The following PIEZO2 variants were observed in gnomAD, a reference collection of about 807,000 sequenced individuals.
PIEZO2 encodes piezo-type mechanosensitive ion channel component 2.
A neutral mutation model predicts 337.3 loss-of-function variants in PIEZO2; 172 were observed. The ratio of observed to expected loss-of-function variants is 0.51; its 90% CI spans 0.45 to 0.58. The LOEUF is 0.58. Ranked by LOEUF, PIEZO2 falls within the 20% of genes least tolerant of loss-of-function variation. The pLI, the probability that PIEZO2 is intolerant of heterozygous loss-of-function variation, is 0.00. For missense variants in PIEZO2, 3,028 were observed against 3,391.3 expected, an observed-to-expected ratio of 0.89 and a Z score of 2.66; for synonymous variants, 1,251 against 1,228.5, an observed-to-expected ratio of 1.02 and a Z score of -0.38.
chr18:10,707,370 G>A lies in PIEZO2; in HGVS notation c.5588+905C>T, dbSNP rs114776871. ...GCATGGCAGGCACATGCCCGCCAGA[G>A]GACTTTGTCAAATGGCCAAGGCATT... On this transcript the variant is annotated intron_variant, in intron 40 of 55. Transcript: ENST00000674853. This position sits in a 1 kb window ranked among gnomAD's most constrained non-coding sequence, Gnocchi z 4.2. 0.012 allele frequency among the ~76,000 whole-genome samples: 1,771 copies of A among 152,212 alleles called. 36 individuals are homozygous for A. Among genetic ancestry groups the A allele is most frequent in the African/African-American group, 0.04 (1,664 of 41,522 alleles).
intron 1 of PIEZO2, among the ~76,000 whole-genome samples, chr18:11,068,445 A>G (rs568135281): frequency 1.3e-5 from 2 of 152,348 alleles, no homozygotes; most frequent in East Asian, 3.9e-4. Context: ...GTCAAAGAAG[A>G]AAGTAAGAAA....
intron 16 of PIEZO2, among the ~76,000 whole-genome samples, chr18:10,786,190 G>T (rs1177216931): frequency 6.6e-6 from 1 of 152,174 alleles, no homozygotes; most frequent in East Asian, 1.9e-4. Flanking sequence ...CACTGCCTCA[G>T]CCTGTTGTCT....
intron 1 of PIEZO2, among the ~76,000 whole-genome samples, chr18:11,120,302 T>C (rs965874494): frequency 6.6e-5 from 10 of 152,248 alleles, no homozygotes; most frequent in African/African-American, 2.4e-4. Context: ...TGAAAAATAT[T>C]TACCACAAAA....
intron 3 of PIEZO2, among the ~76,000 whole-genome samples, chr18:10,950,751 C>T (rs990054823): frequency 1.3e-5 from 2 of 152,180 alleles, no homozygotes; most frequent in African/African-American, 4.8e-5. Flanking sequence ...CAAATCCGAG[C>T]TTCCTCGTAC....
intron 2 of PIEZO2, among the ~76,000 whole-genome samples, chr18:10,995,124 A>C (rs2145577133): frequency 6.7e-6 from 1 of 149,228 alleles, no homozygotes; most frequent in East Asian, 2.0e-4. Flanking sequence ...CATCATATCC[A>C]TGCCAACATC....
At chr18:10,831,872 T>A (rs930044845) in intron 7 of PIEZO2, among the ~76,000 whole-genome samples, 5 of 152,156 alleles carry the variant, frequency 3.3e-5, no homozygotes, top group Admixed American at 3.3e-4. Context: ...TAAGTCTGGG[T>A]GAGGTTCAGG....
In PIEZO2 at chr18:10,759,893, G is replaced by T; in HGVS notation, c.3467C>A (p.Ser1156Ter). ...KFGLETCFLM[S>*]VNVIGQRMDF... ...CATTCGCTGGCCAATGACGTTAACT[G>T]ACATTAGGAAACAGGTCTGTGTAAA... The change falls in exon 25 of 56, where the codon TCA (serine) becomes TAA (stop). Residue 1156 changes from serine to a stop codon, truncating the protein, a stop_gained. Transcript: ENST00000674853. LOFTEE classifies it high-confidence loss of function. The surrounding 1 kb of genome is among the most constrained non-coding windows in gnomAD (Gnocchi z 5.5). 1 of 1,537,350 alleles carries T rather than the reference G, an allele frequency of 6.5e-7. No homozygotes were observed. The highest frequency in any genetic ancestry group is 1.2e-5 in the South Asian group (1 of 84,050).
chr18:10,950,142 GAAAATAAATTATGAATTATAGTTTAACT>G (rs2033226570), intron 3 of PIEZO2, among the ~76,000 whole-genome samples: 2 of 152,254 alleles, frequency 1.3e-5, no homozygotes, highest in Admixed American at 6.5e-5. Context: ...GGTTAATATT[GAAAATAAATTATGAATTATAGTTTAACT>G]CCAGCCAAGG....
rs1415431002 is a variant in PIEZO2 at position 11,038,930 on chromosome 18, T to A, written c.160+27197A>T. 6.6e-6 allele frequency among the ~76,000 whole-genome samples: 1 copy of A among 152,204 alleles called. No homozygotes were observed. Among genetic ancestry groups the A allele is most frequent in the East Asian group, 1.9e-4 (1 of 5,192 alleles). On this transcript the variant is annotated intron_variant, in intron 2 of 55. Coordinates refer to ENST00000674853, the MANE Select transcript of PIEZO2 (RefSeq NM_001378183.1). The surrounding 1 kb of genome is among the most constrained non-coding windows in gnomAD (Gnocchi z 4.1). ...GTAAGAATCATGATTTTGAAACCAC[T>A]GTAGCTTTGACTAGACATAGGTGGA... is the stretch of plus-strand genomic sequence containing the variant.
chr18:11,047,621 C>T lies in PIEZO2; in HGVS notation c.160+18506G>A, dbSNP rs1598879124. ...CATGAGCTTTCAGACACCAACACTC[C>T]AGGCAATAGGGAGAATCGAAGTCTT... On this transcript the variant is annotated intron_variant, in intron 2 of 55. Coordinates refer to ENST00000674853, the MANE Select transcript of PIEZO2 (RefSeq NM_001378183.1). This position sits in a 1 kb window ranked among gnomAD's most constrained non-coding sequence, Gnocchi z 7.2. 6.6e-6 allele frequency among the ~76,000 whole-genome samples: 1 copy of T among 152,142 alleles called. No homozygotes were observed. The highest frequency in any genetic ancestry group is 1.9e-4 in the East Asian group (1 of 5,184).
At chr18:10,955,275 A>G (rs1273381787) in intron 3 of PIEZO2, among the ~76,000 whole-genome samples, 2 of 152,324 alleles carry the variant, frequency 1.3e-5, no homozygotes, top group African/African-American at 2.4e-5. Flanking sequence ...AGGAAGAGCA[A>G]TCGAGGTTGG....
At position 10,702,121 on chromosome 18, in the gene PIEZO2, A is replaced by G. The variant is rs1404216463; in HGVS notation, c.6309T>C (p.Asn2103=). The change falls in exon 43 of 56, where the codon AAT becomes AAC. Residue 2103 remains asparagine (N), a synonymous_variant. Transcript: ENST00000674853. ...TATCTTTGTTCACCTCCACATTCTT[A>G]TTCCAGGGAAAGAACCCAAATTGGA... is the stretch of plus-strand genomic sequence containing the variant. ...YFFQFGFFPW[N]KNVEVNKDKP... is the part of the protein sequence containing the mutation. 4 of 1,536,764 alleles carry G rather than the reference A, an allele frequency of 2.6e-6. No individual in the cohort carries two copies. In the South Asian group the frequency reaches 3.6e-5, roughly 14 times the overall value.
chr18:11,042,925 T>C (rs1331435555), intron 2 of PIEZO2, among the ~76,000 whole-genome samples: 1 of 152,200 alleles, frequency 6.6e-6, no homozygotes, highest in Non-Finnish European at 1.5e-5. Context: ...CAAAGAAGAA[T>C]CTGAGGATAA....
At chr18:11,039,893 A>C (rs1256884600) in intron 2 of PIEZO2, among the ~76,000 whole-genome samples, 1 of 152,130 alleles carries the variant, frequency 6.6e-6, no homozygotes, top group East Asian at 1.9e-4. Flanking sequence ...TTCTTACGAA[A>C]AGGAAATACA....
chr18:10,885,917 G>C lies in PIEZO2; in HGVS notation c.330-14502C>G, dbSNP rs192992220. ...TGGGCGTGGATTAAAAATGAGCCAG[G>C]GTTTGTTCCTATTCAAGTCAAGTAC... On this transcript the variant is annotated intron_variant, in intron 4 of 55. Coordinates refer to ENST00000674853, the MANE Select transcript of PIEZO2 (RefSeq NM_001378183.1). 1.5e-4 allele frequency among the ~76,000 whole-genome samples: 23 copies of C among 152,126 alleles called. No individual in the cohort carries two copies. In the East Asian group the frequency reaches 4.5e-3, roughly 29 times the overall value.
chr18:11,116,076 G>C lies in PIEZO2; in HGVS notation c.64+32449C>G, dbSNP rs1271440276. ...TAAAAATGTATTTTCACAGTGTTTA[G>C]AGCTAAATAACAAACATAATACAGT... On this transcript the variant is annotated intron_variant, in intron 1 of 55. Transcript: ENST00000674853. This position sits in a 1 kb window ranked among gnomAD's most constrained non-coding sequence, Gnocchi z 5.0. Among the ~76,000 whole-genome samples, 3 of 152,140 alleles carry C rather than the reference G, an allele frequency of 2.0e-5. No individual in the cohort carries two copies. The highest frequency in any genetic ancestry group is 4.4e-5 in the Non-Finnish European group (3 of 68,024).
chr18:10,829,582 GACAA>G (rs57249740), intron 7 of PIEZO2, among the ~76,000 whole-genome samples: 4,495 of 152,134 alleles, frequency 0.03, 145 homozygotes, highest in African/African-American at 0.084. Context: ...ATTGAGAGCT[GACAA>G]ACAAGTTCAA....
chr18:11,090,781 G>A (rs1056722727), intron 1 of PIEZO2, among the ~76,000 whole-genome samples: 1 of 151,864 alleles, frequency 6.6e-6, no homozygotes, highest in African/African-American at 2.4e-5. Context: ...GCGTGGTGGC[G>A]GGCGCCTGTA....
At position 11,017,715 on chromosome 18, in the gene PIEZO2, C is replaced by T. The variant is rs143624604; in HGVS notation, c.161-38055G>A. 3.4e-3 allele frequency among the ~76,000 whole-genome samples: 515 copies of T among 152,294 alleles called. 3 individuals are homozygous for T. Among genetic ancestry groups the T allele is most frequent in the Non-Finnish European group, 4.9e-3 (330 of 68,024 alleles). ...CTGGAACATTCTTCCTCAGGGTCTC[C>T]GCATTGATAGACTATTTTAATCCTC... On this transcript the variant is annotated intron_variant, in intron 2 of 55. Transcript: ENST00000674853.
Sources: allele counts gnomAD v4.1 joint callset (sites outside exome capture counted in the v4.1 genomes callset), GRCh38; gene constraint gnomAD v4.1.1; non-coding constraint Gnocchi (gnomAD v3.1); transcripts MANE v1.5; gene names NCBI Gene and HGNC (gene_info 2026-07-23, HGNC 2026-07-21).